The following MYO6 variants were observed in gnomAD, a reference collection of about 807,000 sequenced individuals.
The protein encoded by MYO6 is unconventional myosin-VI.
A neutral mutation model predicts 178.7 loss-of-function variants in MYO6; 74 were observed. That is an observed-to-expected ratio of 0.41 (90% confidence interval 0.34 to 0.50). The LOEUF (loss-of-function observed/expected upper bound fraction) is 0.50. Among genes scored for constraint, MYO6 ranks in the 20% least tolerant of loss-of-function variants. The pLI is 0.09. For synonymous variants in MYO6, 477 were observed against 504.6 expected (o/e 0.95, Z 0.73); for missense variants, 1,330 against 1,547.4 (o/e 0.86, Z 2.36).
chr6:75,763,196 G>A (rs1403423663), intron 1 of MYO6, among the ~76,000 whole-genome samples: 2 of 151,540 alleles, frequency 1.3e-5, no homozygotes, highest in East Asian at 2.0e-4. Flanking sequence ...GTTAATTCTT[G>A]TATTTTCTTA....
chr6:75,754,322 C>A (rs1211349108), intron 1 of MYO6, among the ~76,000 whole-genome samples: 1 of 151,864 alleles, frequency 6.6e-6, no homozygotes, highest in Non-Finnish European at 1.5e-5. Context: ...GGAGTTCAGA[C>A]CAGCCTGGGC....
At chr6:75,838,950 G>A (rs565235648) in intron 7 of MYO6, among the ~76,000 whole-genome samples, 3 of 150,886 alleles carry the variant, frequency 2.0e-5, no homozygotes, top group East Asian at 2.0e-4. Context: ...GTGAGCCACC[G>A]CGCCTGGCTG....
In MYO6 at chr6:75,875,452, T is replaced by A. The variant is rs118042065; in HGVS notation, c.2077+2152T>A. ...ACCACGCCCAGCTAATTAAAAAAAA[T>A]TTTTTTTGTACAGACAGGATCTCAC... On this transcript the variant is annotated intron_variant, in intron 20 of 34. Transcript: ENST00000369977. 0.013 allele frequency among the ~76,000 whole-genome samples: 1,990 copies of A among 152,090 alleles called. 74 individuals are homozygous for A. The East Asian group carries it at 0.15, about 11-fold the overall frequency.
chr6:75,896,050 T>C (rs1040838735), intron 29 of MYO6, among the ~76,000 whole-genome samples: 2 of 152,136 alleles, frequency 1.3e-5, no homozygotes, highest in Non-Finnish European at 2.9e-5. Flanking sequence ...GGAATATACA[T>C]TTTGTTTATA....
intron 25 of MYO6, 110 bp from the exon 26 acceptor site, chr6:75,889,947 T>A: frequency 1.5e-5 from 13 of 843,540 alleles, no homozygotes; most frequent in Admixed American, 2.4e-5. Context: ...AACATTAAAA[T>A]TTATCTTAGC....
chr6:75,757,187 CAT>C (rs1023213587), intron 1 of MYO6, among the ~76,000 whole-genome samples: 163 of 145,972 alleles, frequency 1.1e-3, no homozygotes, highest in African/African-American at 3.7e-3. Flanking sequence ...TATATACACA[CAT>C]ATATTGTGTA....
chr6:75,881,916 G>A (rs1465881695), intron 23 of MYO6, 98 bp downstream of exon 23: 3 of 1,424,864 alleles, frequency 2.1e-6, no homozygotes, highest in African/African-American at 2.8e-5. Flanking sequence ...GAGCAACAGA[G>A]ACTGAGACTT....
intron 27 of MYO6, 115 bp downstream of exon 27, chr6:75,891,421 A>G (rs1778893562): frequency 3.1e-6 from 2 of 638,318 alleles, no homozygotes; most frequent in African/African-American, 1.9e-5. Flanking sequence ...TCACGAGGTC[A>G]GGAGATCAAG....
chr6:75,870,821 G>C, intron 19 of MYO6, 136 bp downstream of exon 19: 3 of 663,222 alleles, frequency 4.5e-6, no homozygotes, highest in Non-Finnish European at 7.2e-6. Flanking sequence ...TAAAAAATTA[G>C]TTTTTTTTCT....
intron 1 of MYO6, among the ~76,000 whole-genome samples, chr6:75,750,818 G>T (rs1776825150): frequency 6.6e-6 from 1 of 151,772 alleles, no homozygotes; most frequent in South Asian, 2.1e-4. Flanking sequence ...GACCTCAGGT[G>T]ATCCACTCGC....
chr6:75,854,480 A>G (rs1375428964), intron 11 of MYO6, among the ~76,000 whole-genome samples: 3 of 152,014 alleles, frequency 2.0e-5, no homozygotes, highest in Non-Finnish European at 4.4e-5. Context: ...TAGTGTGTAT[A>G]TGAAACATAA....
intron 18 of MYO6, among the ~76,000 whole-genome samples, chr6:75,869,506 T>C (rs377064927): frequency 6.6e-6 from 1 of 152,208 alleles, no homozygotes; most frequent in Admixed American, 6.5e-5. Context: ...ACCTGACTTA[T>C]AGATGACATT....
chr6:75,863,121 C>T (rs1228502354), intron 16 of MYO6, among the ~76,000 whole-genome samples: 1 of 152,072 alleles, frequency 6.6e-6, no homozygotes, highest in Non-Finnish European at 1.5e-5. Flanking sequence ...GAATTACCTG[C>T]TGTCTTCATG....
At chr6:75,772,501 T>C (rs182634672) in intron 1 of MYO6, among the ~76,000 whole-genome samples, 3 of 152,206 alleles carry the variant, frequency 2.0e-5, no homozygotes, top group African/African-American at 2.4e-5. Context: ...GGAATCATTG[T>C]TTTACTAACC....
chr6:75,795,147 G>A (rs1323085866), intron 1 of MYO6, among the ~76,000 whole-genome samples: 3 of 152,222 alleles, frequency 2.0e-5, no homozygotes, highest in African/African-American at 4.8e-5. Flanking sequence ...CGGACTTAAA[G>A]TTGTTAGTGT....
At chr6:75,800,565 T>G (rs113322508) in intron 1 of MYO6, among the ~76,000 whole-genome samples, 452 of 152,258 alleles carry the variant, frequency 3.0e-3, no homozygotes, top group Non-Finnish European at 4.7e-3. Context: ...AGAGGATCAC[T>G]ATGAACGAAA....
chr6:75,813,796 T>C (rs1770935287), intron 1 of MYO6, among the ~76,000 whole-genome samples: 1 of 152,074 alleles, frequency 6.6e-6, no homozygotes, highest in African/African-American at 2.4e-5. Flanking sequence ...AATCAGTGAG[T>C]TATCTTCTGC....
Position 75,828,543 on chromosome 6 carries a change from C to T in MYO6, c.191C>T (p.Ser64Leu), listed in dbSNP as rs776713422. 2 of 1,541,200 alleles carry T rather than the reference C, an allele frequency of 1.3e-6. No homozygotes were observed. The highest frequency in any genetic ancestry group is 1.8e-6 in the Non-Finnish European group (2 of 1,114,492). ...DSKKDVEDNC[S>L]LMYLNEATLL... ...ACATATAAATTTTATGTCTTAGGTT[C>T]ACTAATGTATTTAAATGAAGCCACA... Residue 64 changes from serine to leucine, a missense_variant, in exon 4 of 35, where the codon TCA (serine) becomes TTA (leucine). Ser to Leu is a moderately radical substitution (Grantham distance 145). Coordinates refer to ENST00000369977, the MANE Select transcript of MYO6 (RefSeq NM_004999.4).
At chr6:75,798,469 T>G (rs1189647773) in intron 1 of MYO6, among the ~76,000 whole-genome samples, 1 of 152,160 alleles carries the variant, frequency 6.6e-6, no homozygotes, top group South Asian at 2.1e-4. Flanking sequence ...GTTCAACATA[T>G]GCAAATCAAT....
Sources: allele counts gnomAD v4.1 joint callset (sites outside exome capture counted in the v4.1 genomes callset), GRCh38; gene constraint gnomAD v4.1.1; transcripts MANE v1.5; gene names NCBI Gene and HGNC (gene_info 2026-07-23, HGNC 2026-07-21).